Variants in RBFOX1 observed in about 807,000 individuals in gnomAD.
The protein encoded by RBFOX1 is RNA binding fox-1 homolog 1.
Under a neutral mutation model 57.7 loss-of-function variants are expected in RBFOX1, and 8 were observed. The ratio of observed to expected loss-of-function variants is 0.14; its 90% CI spans 0.08 to 0.25. RBFOX1 has a LOEUF of 0.25. Ranked by LOEUF, RBFOX1 falls within the 10% of genes least tolerant of loss-of-function variation. RBFOX1 has a pLI of 1.00. For missense variants in RBFOX1, 611 were observed against 548.5 expected (o/e 1.11, Z -1.14); for synonymous variants, 326 against 222.4 (o/e 1.47, Z -4.15).
At chr16:5,502,662 G>A (rs901302529) in intron 2 of RBFOX1, among the ~76,000 whole-genome samples, 10 of 152,214 alleles carry the variant, frequency 6.6e-5, no homozygotes, top group Non-Finnish European at 1.3e-4. Flanking sequence ...TAGGCTGGGA[G>A]TCGAAGGGGT....
intron 2 of RBFOX1, among the ~76,000 whole-genome samples, chr16:6,530,195 T>G (rs2096637431): frequency 6.6e-6 from 1 of 152,188 alleles, no homozygotes; most frequent in South Asian, 2.1e-4. Flanking sequence ...GAGCATTTTT[T>G]CCTTTCTTCT....
chr16:7,339,531 C>A (rs547781442), intron 4 of RBFOX1, among the ~76,000 whole-genome samples: 8 of 152,270 alleles, frequency 5.3e-5, no homozygotes, highest in Admixed American at 2.6e-4. Flanking sequence ...CCTCCACCTG[C>A]CAAGTTCAAG....
At chr16:6,961,778 A>G (rs927050759) in intron 3 of RBFOX1, among the ~76,000 whole-genome samples, 7 of 152,112 alleles carry the variant, frequency 4.6e-5, no homozygotes, top group Non-Finnish European at 5.9e-5. Flanking sequence ...GGCACTAGTG[A>G]GAGTGTCCTT....
At position 7,039,920 on chromosome 16, in the gene RBFOX1, T is replaced by C. The variant is rs190543896; in HGVS notation, c.-15-12137T>C. Among the ~76,000 whole-genome samples, 482 of 150,844 alleles carry C rather than the reference T, an allele frequency of 3.2e-3. 4 individuals carry two copies. The highest frequency in any genetic ancestry group is 8.7e-3 in the African/African-American group (357 of 40,882). On this transcript the variant is annotated intron_variant, in intron 3 of 15. Transcript: ENST00000550418. ...AAGAGAATCCACACAAAAATACTTA[T>C]GTCCCTGCAGAATTGGAGCTTTTGT...
chr16:7,561,363 G>A (rs975560580), intron 5 of RBFOX1, among the ~76,000 whole-genome samples: 2 of 152,202 alleles, frequency 1.3e-5, no homozygotes, highest in Non-Finnish European at 2.9e-5. Flanking sequence ...TCTAGATGAA[G>A]AGACAAGTAG....
chr16:6,840,269 T>A (rs1313605230), intron 3 of RBFOX1, among the ~76,000 whole-genome samples: 2 of 152,148 alleles, frequency 1.3e-5, no homozygotes, highest in Admixed American at 1.3e-4. Context: ...CGGAACACAC[T>A]GAAAGACCTT....
rs916447380 is a variant in RBFOX1 at position 5,790,116 on chromosome 16, T to C, written c.319-77187T>C. ...GCAGGCCTTCCTCCATCTTCAGCAT[T>C]TGACCTCCAAGGGAAAAGAGTGCGA... On this transcript the variant is annotated intron_variant, in intron 3 of 19. Coordinates refer to the RBFOX1 transcript ENST00000641259. Among the ~76,000 whole-genome samples the C allele has an allele frequency of 2.6e-5, 4 of 152,342 alleles. No individual in the cohort carries two copies. The East Asian group carries it at 5.8e-4, about 22-fold the overall frequency.
intron 3 of RBFOX1, among the ~76,000 whole-genome samples, chr16:6,812,665 C>T (rs372680819): frequency 9.8e-5 from 15 of 152,290 alleles, no homozygotes; most frequent in East Asian, 7.7e-4. Context: ...GCGTGAGCTA[C>T]CACGCCTGGC....
At chr16:5,356,250 C>T (rs2065384996) in intron 1 of RBFOX1, among the ~76,000 whole-genome samples, 1 of 152,096 alleles carries the variant, frequency 6.6e-6, no homozygotes, top group Non-Finnish European at 1.5e-5. Context: ...ATGGATGCTC[C>T]CTCAGAGCCT....
intron 1 of RBFOX1, among the ~76,000 whole-genome samples, chr16:6,246,647 A>G (rs1386131021): frequency 6.6e-6 from 1 of 152,190 alleles, no homozygotes; most frequent in Non-Finnish European, 1.5e-5. Flanking sequence ...GCCAGGATGC[A>G]AAATGTTAGA....
In RBFOX1 at chr16:7,226,896, T is replaced by G. The variant is rs541266730; in HGVS notation, c.27+174798T>G. 6.6e-5 allele frequency among the ~76,000 whole-genome samples: 10 copies of G among 152,266 alleles called. No individual in the cohort carries two copies. In the South Asian group the frequency reaches 2.1e-3, roughly 32 times the overall value. On this transcript the variant is annotated intron_variant, in intron 4 of 15. Transcript: ENST00000550418. ...TGGACTTTATAACTTGCAGATACAG[T>G]GGGGGTATTTTCATCTGTGTGTCTA...
chr16:7,707,992 C>T (rs547285485), intron 14 of RBFOX1, among the ~76,000 whole-genome samples: 3 of 152,252 alleles, frequency 2.0e-5, no homozygotes, highest in South Asian at 4.2e-4. Flanking sequence ...TCTGGCAGGG[C>T]AAACAAGTAT....
chr16:7,704,289 G>A (rs1465745743), intron 14 of RBFOX1, among the ~76,000 whole-genome samples: 1 of 152,194 alleles, frequency 6.6e-6, no homozygotes, highest in Non-Finnish European at 1.5e-5. Context: ...CAGGAAAGCA[G>A]TCCTCTTTTA....
intron 2 of RBFOX1, among the ~76,000 whole-genome samples, chr16:6,332,804 C>T (rs921087227): frequency 2.0e-5 from 3 of 151,942 alleles, no homozygotes; most frequent in African/African-American, 7.3e-5. Context: ...TAAACCATGC[C>T]GTGGACTAGA....
intron 4 of RBFOX1, among the ~76,000 whole-genome samples, chr16:5,970,057 C>T: frequency 6.6e-6 from 1 of 152,248 alleles, no homozygotes. Flanking sequence ...GCACTCTACA[C>T]ATTGCTGCCA....
At chr16:6,166,976 T>C (rs1339110163) in intron 1 of RBFOX1, among the ~76,000 whole-genome samples, 1 of 152,082 alleles carries the variant, frequency 6.6e-6, no homozygotes, top group Non-Finnish European at 1.5e-5. Flanking sequence ...GGTTTCACTA[T>C]ATTGGCTAGG....
intron 5 of RBFOX1, among the ~76,000 whole-genome samples, chr16:7,575,085 G>A (rs574543128): frequency 2.5e-4 from 38 of 152,144 alleles, no homozygotes; most frequent in Middle Eastern, 3.4e-3. Flanking sequence ...CTTTGCAGAT[G>A]TAACTAAGGA....
At chr16:5,797,783 G>A (rs946325516) in intron 3 of RBFOX1, among the ~76,000 whole-genome samples, 10 of 152,164 alleles carry the variant, frequency 6.6e-5, no homozygotes, top group Non-Finnish European at 1.5e-5. Context: ...CAGCCACACA[G>A]CAGATAGTGA....
chr16:7,155,899 A>G (rs9921500), intron 4 of RBFOX1, among the ~76,000 whole-genome samples: 26,687 of 151,274 alleles, frequency 0.18, 2,967 homozygotes, highest in East Asian at 0.33. Flanking sequence ...TTATGTCTCT[A>G]TAACTGGACA....
Sources: allele counts gnomAD v4.1 joint callset (sites outside exome capture counted in the v4.1 genomes callset), GRCh38; gene constraint gnomAD v4.1.1; transcripts MANE v1.5; gene names NCBI Gene and HGNC (gene_info 2026-07-23, HGNC 2026-07-21).